HECW1: variants seen among roughly 807,000 people sequenced by gnomAD.
HECW1 encodes the protein HECT, C2 and WW domain containing E3 ubiquitin protein ligase 1.
In HECW1, 61 loss-of-function variants were observed where a neutral mutation model predicts 182.3. That is an observed-to-expected ratio of 0.33 (90% CI 0.27 to 0.41). HECW1 has a LOEUF of 0.41. Ranked by LOEUF, HECW1 falls within the 10% of genes least tolerant of loss-of-function variation. HECW1 has a pLI of 1.00. For missense variants in HECW1, 1,739 were observed against 2,108.9 expected (o/e 0.82, Z 3.44); for synonymous variants, 859 against 832.6 (o/e 1.03, Z -0.55).
At chr7:43,234,051 G>T (rs1417064714) in intron 2 of HECW1, among the ~76,000 whole-genome samples, 1 of 152,234 alleles carries the variant, frequency 6.6e-6, no homozygotes, top group Non-Finnish European at 1.5e-5. Context: ...GTCTGCAAGA[G>T]CAGCGTGCAA....
At chr7:43,368,186 G>A (rs975335928) in intron 6 of HECW1, among the ~76,000 whole-genome samples, 15 of 152,290 alleles carry the variant, frequency 9.8e-5, no homozygotes, top group East Asian at 7.7e-4. Flanking sequence ...AGTGTGTAGC[G>A]GGGAGACAGA....
At chr7:43,213,523 G>A (rs899559133) in intron 2 of HECW1, among the ~76,000 whole-genome samples, 1 of 143,004 alleles carries the variant, frequency 7.0e-6, no homozygotes, top group Non-Finnish European at 1.5e-5. Context: ...TCGGCTCACT[G>A]CAAGCTCCAC....
chr7:43,318,031 G>A (rs190209191), intron 4 of HECW1, among the ~76,000 whole-genome samples: 137 of 152,206 alleles, frequency 9.0e-4, no homozygotes, highest in Admixed American at 2.3e-3. Flanking sequence ...AACATAGACC[G>A]TGACTTGTTC....
chr7:43,156,356 C>G (rs11772786), intron 2 of HECW1, among the ~76,000 whole-genome samples: 24,305 of 152,140 alleles, frequency 0.16, 2,233 homozygotes, highest in Middle Eastern at 0.22. Flanking sequence ...CCAAGCCAGT[C>G]TTTCTTCTCT....
At chr7:43,250,317 C>T (rs1210643410) in intron 3 of HECW1, among the ~76,000 whole-genome samples, 1 of 152,142 alleles carries the variant, frequency 6.6e-6, no homozygotes, top group Non-Finnish European at 1.5e-5. Flanking sequence ...CCAACTCAGC[C>T]TGGCTTGGAT....
intron 5 of HECW1, among the ~76,000 whole-genome samples, chr7:43,328,546 G>C (rs1811078840): frequency 6.6e-6 from 1 of 152,208 alleles, no homozygotes; most frequent in South Asian, 2.1e-4. Context: ...GGAGGGCCCA[G>C]CCCACGTGGG....
chr7:43,508,075 T>C lies in HECW1; in HGVS notation c.3810T>C (p.Tyr1270=), dbSNP rs761603047. The part of the protein sequence containing the change: ...LEGTFNQVMA[Y]SRKELQRNKL... The stretch of plus-strand genomic sequence containing the variant: ...GAACCTTCAATCAGGTGATGGCCTA[T>C]TCGCGGAAAGAGCTCCAGCGAAACA... The change falls in exon 23 of 30, where the codon TAT becomes TAC. Residue 1270 remains tyrosine, a synonymous_variant. Transcript: ENST00000395891. The C allele has an allele frequency of 2.5e-5, 41 of 1,613,986 alleles. No homozygotes were observed. The highest frequency in any genetic ancestry group is 1.6e-4 in the Middle Eastern group (1 of 6,082).
rs566556084 is a variant in HECW1 at position 43,259,384 on chromosome 7, G to A, written c.27+15452G>A. On this transcript the variant is annotated intron_variant, in intron 3 of 29. Coordinates refer to ENST00000395891, the MANE Select transcript of HECW1 (RefSeq NM_015052.5). Reference sequence around the variant, plus strand: ...CCTGGGCAACAGAGTGAGACTCCATGTCCAAAAAAAAAAACCGTTCAATAT... The same window carrying A: ...CCTGGGCAACAGAGTGAGACTCCATATCCAAAAAAAAAAACCGTTCAATAT... Among the ~76,000 whole-genome samples the A allele has an allele frequency of 3.7e-4, 44 of 119,618 alleles. 1 individual carries two copies. The South Asian group carries it at 8.8e-3, about 24-fold the overall frequency. The allele number at this position is 119,618 out of a possible 152,430, so 78.5% of individuals were successfully genotyped here.
rs961977986 is a variant in HECW1, at chr7:43,241,015, C to T, written c.-31-2860C>T. ...CTGGCTGTGTATAGCTGTGTGTAAA[C>T]CAGTTGTGCCTTTGAAGGAAGAATC... On this transcript the variant is annotated intron_variant, in intron 2 of 29. Coordinates refer to ENST00000395891, the MANE Select transcript of HECW1 (RefSeq NM_015052.5). The T allele has an allele frequency of 4.6e-5, 7 of 152,196 alleles. 1 individual carries two copies. Among genetic ancestry groups the T allele is most frequent in the African/African-American group, 1.7e-4 (7 of 41,428 alleles). The allele number at this position is 152,196 out of a possible 1,614,324, so 9.4% of individuals were successfully genotyped here.
intron 26 of HECW1, 122 bp from the exon 27 acceptor site, chr7:43,550,323 A>G: frequency 9.8e-7 from 1 of 1,025,038 alleles, no homozygotes; most frequent in Non-Finnish European, 1.4e-6. Flanking sequence ...TCCAGGGATA[A>G]TAATGCTGAA....
intron 2 of HECW1, among the ~76,000 whole-genome samples, chr7:43,235,502 A>G (rs976727311): frequency 1.3e-5 from 2 of 152,206 alleles, no homozygotes; most frequent in African/African-American, 2.4e-5. Flanking sequence ...CTCAAGAAAA[A>G]GAAAACATGG....
In HECW1 at chr7:43,311,808, C is replaced by G. The variant is rs1311287472; in HGVS notation, c.73C>G (p.Pro25Ala). Reference protein sequence around the residue: ...RFLGLAAMASPSRNSQSRRRC... With the variant: ...RFLGLAAMASASRNSQSRRRC... ...TTTAGGCCTGGCCGCCATGGCGTCT[C>G]CTTCTAGAAACTCCCAGAGCCGACG... The change falls in exon 4 of 30, where the codon CCT (proline) becomes GCT (alanine). Residue 25 changes from proline (P) to alanine (A), a missense_variant. This residue lies in a region of HECW1 where 279 missense variants were observed against 353.1 expected (regional missense o/e 0.79). Transcript: ENST00000395891. 1 of 1,614,042 alleles carries G rather than the reference C, an allele frequency of 6.2e-7. No homozygotes were observed. Among genetic ancestry groups the G allele is most frequent in the Non-Finnish European group, 8.5e-7 (1 of 1,180,000 alleles).
intron 7 of HECW1, among the ~76,000 whole-genome samples, chr7:43,403,546 C>T (rs533278239): frequency 1.3e-5 from 2 of 152,200 alleles, no homozygotes; most frequent in African/African-American, 4.8e-5. Flanking sequence ...GGGAAAATAG[C>T]GAGAGGGCAA....
chr7:43,276,412 C>T (rs1803149830), intron 3 of HECW1, among the ~76,000 whole-genome samples: 1 of 151,684 alleles, frequency 6.6e-6, no homozygotes, highest in Admixed American at 6.6e-5. Context: ...GTTTCTCACA[C>T]AGTCGTTTGT....
chr7:43,345,863 T>TAC (rs752195896), intron 5 of HECW1, among the ~76,000 whole-genome samples: 50 of 151,506 alleles, frequency 3.3e-4, no homozygotes, highest in African/African-American at 4.4e-4. Context: ...TATATATATA[T>TAC]ACACACACAC....
Position 43,351,678 on chromosome 7 carries a change from C to CTT in HECW1, c.461-9190_461-9189dup, listed in dbSNP as rs200929407. Among the ~76,000 whole-genome samples the CTT allele has an allele frequency of 8.7e-4, 105 of 120,552 alleles. 1 individual carries two copies. Among genetic ancestry groups the CTT allele is most frequent in the Middle Eastern group, 4.4e-3 (1 of 226 alleles). The allele number at this position is 120,552 out of a possible 152,430, so 79.1% of individuals were successfully genotyped here. A position where few individuals can be genotyped will look rare whatever the true frequency, so the allele number is the denominator to read the frequency against. Reference sequence around the variant, plus strand: ...TTGTCAGCTGTTTTTTTTCTTTCTTCTTTTTTTTTTTTTTTTTTTACATTG... The same window carrying CTT: ...TTGTCAGCTGTTTTTTTTCTTTCTTCTTTTTTTTTTTTTTTTTTTTTACATTG... On this transcript the variant is annotated intron_variant, in intron 5 of 29. Coordinates refer to ENST00000395891, the MANE Select transcript of HECW1 (RefSeq NM_015052.5).
intron 3 of HECW1, among the ~76,000 whole-genome samples, chr7:43,301,688 C>T (rs1469375391): frequency 6.6e-6 from 1 of 152,114 alleles, no homozygotes; most frequent in African/African-American, 2.4e-5. Context: ...GCCTGGCCAA[C>T]ATGGTGAAAC....
intron 3 of HECW1, among the ~76,000 whole-genome samples, chr7:43,263,089 ATTAC>A (rs928741807): frequency 5.9e-5 from 9 of 152,208 alleles, no homozygotes; most frequent in African/African-American, 1.9e-4. Flanking sequence ...ATTTTCCGCA[ATTAC>A]TTACCTGTGC....
chr7:43,456,378 C>A lies in HECW1; in HGVS notation c.2582C>A (p.Thr861Lys). ...VNRTTTWQRPTAAATPDGMRR... is the reference protein window; with the variant it reads ...VNRTTTWQRPKAAATPDGMRR... ...CGCACAACCACCTGGCAGCGTCCGA[C>A]GGCAGCAGCCACCCCGGATGGCATG... The change falls in exon 13 of 30, where the codon ACG becomes AAG. Residue 861 changes from threonine (T) to lysine (K), a missense_variant. Thr to Lys is a moderately conservative substitution (Grantham distance 78). Coordinates refer to ENST00000395891, the MANE Select transcript of HECW1 (RefSeq NM_015052.5). The A allele has an allele frequency of 1.2e-6, 2 of 1,614,084 alleles. No homozygotes were observed. Among genetic ancestry groups the A allele is most frequent in the Non-Finnish European group, 1.7e-6 (2 of 1,179,990 alleles).
Sources: gnomAD v4.1 joint callset for allele counts (sites outside exome capture counted in the v4.1 genomes callset) on GRCh38, gnomAD v4.1.1 for gene constraint, gnomAD v4.1.1 regional missense constraint, MANE v1.5 for transcripts, NCBI Gene and HGNC (gene_info 2026-07-23, HGNC 2026-07-21) for gene names.